The following DPP6 variants were observed in gnomAD, a reference collection of about 807,000 sequenced individuals.
DPP6 encodes the protein dipeptidyl peptidase like 6.
A neutral mutation model predicts 122.6 loss-of-function variants in DPP6; 69 were observed. That is an observed-to-expected ratio of 0.56 (90% confidence interval 0.46 to 0.69). The LOEUF (loss-of-function observed/expected upper bound fraction) is 0.69. Among genes scored for constraint, DPP6 ranks in the 30% least tolerant of loss-of-function variants. The pLI is 0.00. For synonymous variants in DPP6, 418 were observed against 433.1 expected, an observed-to-expected ratio of 0.97 and a Z score of 0.43; for missense variants, 928 against 1,116.9, an observed-to-expected ratio of 0.83 and a Z score of 2.41.
chr7:154,243,538 G>A (rs1481918720), intron 1 of DPP6, among the ~76,000 whole-genome samples: 2 of 152,194 alleles, frequency 1.3e-5, no homozygotes, highest in Non-Finnish European at 2.9e-5. Context: ...GCTCGTGCCT[G>A]TAATCCCAGC....
At chr7:154,351,538 A>T (rs1215419703) in intron 1 of DPP6, among the ~76,000 whole-genome samples, 1 of 151,850 alleles carries the variant, frequency 6.6e-6, no homozygotes, top group Non-Finnish European at 1.5e-5. Flanking sequence ...CCCCACCTGC[A>T]CCTGCACCTG....
chr7:153,770,561 A>C, the DPP6 span, among the ~76,000 whole-genome samples: 2 of 152,226 alleles, frequency 1.3e-5, no homozygotes, highest in Non-Finnish European at 2.9e-5. Context: ...ATTTCCAAGC[A>C]CAAAACTGTT....
intron 1 of DPP6, among the ~76,000 whole-genome samples, chr7:154,174,718 C>T (rs559543980): frequency 1.4e-4 from 21 of 152,278 alleles, no homozygotes; most frequent in South Asian, 1.0e-3. Context: ...GTATATTTTT[C>T]AGGAGACATC....
At chr7:153,912,007 T>C (rs1800110693) in intron 1 of DPP6, among the ~76,000 whole-genome samples, 1 of 152,174 alleles carries the variant, frequency 6.6e-6, no homozygotes, top group African/African-American at 2.4e-5. Context: ...TTCAGAACTT[T>C]TCAGAATTCA....
At chr7:154,407,130 A>G (rs1441636598) in intron 1 of DPP6, among the ~76,000 whole-genome samples, 1 of 152,202 alleles carries the variant, frequency 6.6e-6, no homozygotes, top group Non-Finnish European at 1.5e-5. Context: ...ATCTCTGGGT[A>G]GCAGACCCCA....
the DPP6 span, among the ~76,000 whole-genome samples, chr7:153,775,054 G>A: frequency 6.7e-6 from 1 of 148,930 alleles, no homozygotes; most frequent in Non-Finnish European, 1.5e-5. Context: ...CTCAATTAAT[G>A]AGGCCATCAC....
chr7:154,219,107 A>G (rs1001520415), intron 1 of DPP6, among the ~76,000 whole-genome samples: 6 of 152,220 alleles, frequency 3.9e-5, no homozygotes, highest in Admixed American at 3.3e-4. Flanking sequence ...CAGAGTCACA[A>G]GACAGACTTG....
intron 1 of DPP6, among the ~76,000 whole-genome samples, chr7:154,064,949 G>A (rs369504287): frequency 6.6e-6 from 1 of 152,088 alleles, no homozygotes; most frequent in South Asian, 2.1e-4. Context: ...ACCTTGCAGC[G>A]TCTCCTCCTC....
At chr7:154,540,745 A>G in intron 4 of DPP6, 119 bp downstream of exon 4, 1 of 624,166 alleles carries the variant, frequency 1.6e-6, no homozygotes, top group Non-Finnish European at 2.7e-6. Context: ...ATAAACTTGT[A>G]ATACTACAGG....
chr7:154,568,266 A>T (rs1303585745), intron 5 of DPP6, among the ~76,000 whole-genome samples: 1 of 152,258 alleles, frequency 6.6e-6, no homozygotes, highest in East Asian at 1.9e-4. Flanking sequence ...CCTGTATAAA[A>T]GAAAAATGTT....
chr7:154,889,564 G>C lies in DPP6; in HGVS notation c.2451+34G>C, dbSNP rs143079150. 1,512 of 1,583,682 alleles carry C rather than the reference G, an allele frequency of 9.5e-4. 13 individuals carry two copies. The African/African-American group carries it at 0.017, about 18-fold the overall frequency. ...CGCATGTTACTCTGTTTTGAACCTG[G>C]AGCAAGACATTCCTTTCATGGAGAA... On this transcript the variant is annotated intron_variant, in intron 25 of 25. Coordinates refer to ENST00000377770, the MANE Select transcript of DPP6 (RefSeq NM_130797.4).
intron 1 of DPP6, among the ~76,000 whole-genome samples, chr7:154,192,036 T>G (rs138900685): frequency 0.018 from 2,743 of 152,260 alleles, 42 homozygotes; most frequent in Admixed American, 0.024. Flanking sequence ...AGGGGACAAG[T>G]GCTGGTGGAT....
intron 1 of DPP6, among the ~76,000 whole-genome samples, chr7:153,920,437 A>G (rs1028021547): frequency 6.6e-6 from 1 of 152,202 alleles, no homozygotes; most frequent in Non-Finnish European, 1.5e-5. Context: ...GAGAAAGACA[A>G]GAGGCCTCAA....
At chr7:154,203,713 A>G (rs1443946273) in intron 1 of DPP6, among the ~76,000 whole-genome samples, 1 of 152,202 alleles carries the variant, frequency 6.6e-6, no homozygotes, top group Non-Finnish European at 1.5e-5. Flanking sequence ...GACACCTGGA[A>G]AGAGGCCTCT....
chr7:154,362,845 G>A (rs962872474), intron 1 of DPP6, among the ~76,000 whole-genome samples: 2 of 152,202 alleles, frequency 1.3e-5, no homozygotes, highest in Admixed American at 6.5e-5. Flanking sequence ...AGGCCTGGCT[G>A]CTCCGAGTGC....
At chr7:154,881,059 T>C in intron 21 of DPP6, 117 bp downstream of exon 21, 3 of 1,404,062 alleles carry the variant, frequency 2.1e-6, no homozygotes, top group Non-Finnish European at 2.8e-6. Context: ...AGCAAGTAAT[T>C]TTTTAAAATC....
upstream of DPP6, among the ~76,000 whole-genome samples, chr7:153,885,779 T>C (rs376017410): frequency 3.3e-5 from 5 of 152,298 alleles, no homozygotes; most frequent in East Asian, 9.7e-4. Context: ...TGCTTTGGTT[T>C]ACCTATTTCT....
At chr7:154,113,925 G>A (rs1432419156) in intron 1 of DPP6, among the ~76,000 whole-genome samples, 2 of 152,188 alleles carry the variant, frequency 1.3e-5, no homozygotes, top group African/African-American at 2.4e-5. Flanking sequence ...AGACAAGGAC[G>A]CCCACAGTCA....
intron 1 of DPP6, among the ~76,000 whole-genome samples, chr7:153,938,890 G>A (rs1801577194): frequency 1.3e-5 from 2 of 152,182 alleles, no homozygotes; most frequent in Admixed American, 6.5e-5. Flanking sequence ...GGTTACACAC[G>A]CTCATTTTGC....
Sources: allele counts gnomAD v4.1 joint callset (sites outside exome capture counted in the v4.1 genomes callset), GRCh38; gene constraint gnomAD v4.1.1; transcripts MANE v1.5; gene names NCBI Gene and HGNC (gene_info 2026-07-23, HGNC 2026-07-21).